Variants in AFAP1L2 observed in about 807,000 individuals in gnomAD.
AFAP1L2 encodes the protein actin filament-associated protein 1-like 2.
In AFAP1L2, 46 loss-of-function variants were observed where a neutral mutation model predicts 99.3. That is an observed-to-expected ratio of 0.46 (90% CI 0.37 to 0.59). The LOEUF is 0.59. AFAP1L2 is among the 20% of genes least tolerant of loss of function. AFAP1L2 has a pLI of 0.00. For synonymous variants in AFAP1L2, 397 were observed against 419.1 expected (o/e 0.95, Z 0.64); for missense variants, 959 against 1,034.9 (o/e 0.93, Z 1.01).
chr10:114,403,139 G>A (rs903442253), intron 1 of AFAP1L2, among the ~76,000 whole-genome samples: 2 of 152,230 alleles, frequency 1.3e-5, no homozygotes, highest in Non-Finnish European at 2.9e-5. Flanking sequence ...TTAGAAATGC[G>A]AGAGAAGCTC....
At chr10:114,288,469 A>ACAAACC in the AFAP1L2 span, among the ~76,000 whole-genome samples, 3 of 152,242 alleles carry the variant, frequency 2.0e-5, no homozygotes, top group Non-Finnish European at 2.9e-5. Flanking sequence ...AGGGTTGCCC[A>ACAAACC]CAAACCCAAA....
intron 5 of AFAP1L2, among the ~76,000 whole-genome samples, chr10:114,320,409 A>G (rs967958388): frequency 6.6e-6 from 1 of 152,216 alleles, no homozygotes; most frequent in African/African-American, 2.4e-5. Flanking sequence ...CTATTCCTCC[A>G]GTCACAACCT....
At chr10:114,306,378 C>CGCGGGGACAGG (rs1245775089) in intron 10 of AFAP1L2, among the ~76,000 whole-genome samples, 1 of 31,576 alleles carries the variant, frequency 3.2e-5, no homozygotes, top group Non-Finnish European at 6.1e-5. Context: ...GGCAGGAGGG[C>CGCGGGGACAGG]ATGGGTGTCT....
intron 1 of AFAP1L2, among the ~76,000 whole-genome samples, chr10:114,363,374 C>T (rs1442637515): frequency 6.6e-6 from 1 of 152,142 alleles, no homozygotes; most frequent in South Asian, 2.1e-4. Context: ...AGAGCTAGTC[C>T]GCTGGGCCCT....
At chr10:114,345,219 G>A (rs1590362549) in intron 1 of AFAP1L2, among the ~76,000 whole-genome samples, 1 of 151,528 alleles carries the variant, frequency 6.6e-6, no homozygotes, top group Non-Finnish European at 1.5e-5. Context: ...ATGGAGCATC[G>A]AGGTGGGTGG....
chr10:114,302,347 GT>G lies in AFAP1L2; in HGVS notation c.1421del (p.Asn474ThrfsTer5). ...RVSCIVSAAK[N>X]SLLLMQRKFS... ...GGGTCCAAATTACTCACAAGAGAGA[GT>G]TTTTGGCCGCACTCACAATACAGGA... is the stretch of plus-strand genomic sequence containing the variant. On this transcript the variant is annotated frameshift_variant, in exon 12 of 19. Coordinates refer to ENST00000304129, the MANE Select transcript of AFAP1L2 (RefSeq NM_001001936.3). LOFTEE classifies it high-confidence loss of function. 6.2e-7 allele frequency: 1 copy of G among 1,614,152 alleles called. No homozygotes were observed. The highest frequency in any genetic ancestry group is 8.5e-7 in the Non-Finnish European group (1 of 1,180,028).
intron 1 of AFAP1L2, among the ~76,000 whole-genome samples, chr10:114,396,622 A>G (rs1481591816): frequency 6.6e-6 from 1 of 152,224 alleles, no homozygotes; most frequent in Non-Finnish European, 1.5e-5. Flanking sequence ...TATCCTGCAG[A>G]CTTGATTACT....
intron 2 of AFAP1L2, among the ~76,000 whole-genome samples, chr10:114,339,340 G>A (rs1185900509): frequency 3.9e-5 from 6 of 152,160 alleles, no homozygotes; most frequent in Admixed American, 2.6e-4. Context: ...CCAGCTACTC[G>A]GGAGGCTGAG....
At chr10:114,305,929 G>A (rs1219396620) in intron 10 of AFAP1L2, among the ~76,000 whole-genome samples, 1 of 124,590 alleles carries the variant, frequency 8.0e-6, no homozygotes, top group Non-Finnish European at 1.7e-5. Flanking sequence ...TGCAGGAGGG[G>A]ACGGGGCTGC....
chr10:114,323,090 G>C, intron 5 of AFAP1L2, 81 bp downstream of exon 5: 1 of 1,300,160 alleles, frequency 7.7e-7, no homozygotes, highest in Non-Finnish European at 1.1e-6. Context: ...GAGTGTATCT[G>C]TTACCCCCAG....
At chr10:114,360,501 ATAGATAGT>A (rs879320990) in intron 1 of AFAP1L2, among the ~76,000 whole-genome samples, 8,753 of 114,294 alleles carry the variant, frequency 0.077, 455 homozygotes, top group African/African-American at 0.2. Flanking sequence ...AGATAGATAG[ATAGATAGT>A]TAGATAGATA....
intron 16 of AFAP1L2, among the ~76,000 whole-genome samples, chr10:114,297,835 G>A (rs1279473738): frequency 1.3e-5 from 2 of 152,194 alleles, no homozygotes; most frequent in African/African-American, 2.4e-5. Flanking sequence ...GGAGTCCTCA[G>A]CCCTGGCTCC....
intron 1 of AFAP1L2, among the ~76,000 whole-genome samples, chr10:114,382,413 C>T (rs1188284550): frequency 1.3e-5 from 2 of 151,976 alleles, no homozygotes; most frequent in Non-Finnish European, 2.9e-5. Flanking sequence ...AAGTTGATCA[C>T]ATGGACATAG....
At chr10:114,404,195 C>G (rs1453722069) in intron 1 of AFAP1L2, among the ~76,000 whole-genome samples, 2 of 152,266 alleles carry the variant, frequency 1.3e-5, no homozygotes, top group East Asian at 3.9e-4. Context: ...CCACGCCCCC[C>G]ACTGACGACC....
intron 4 of AFAP1L2, among the ~76,000 whole-genome samples, chr10:114,324,396 A>ACCCCCCCCC (rs56354768): frequency 7.9e-6 from 1 of 126,444 alleles, no homozygotes; most frequent in African/African-American, 3.7e-5. Context: ...GGGGTGCACC[A>ACCCCCCCCC]CCCCCCCCCC....
At chr10:114,340,058 T>G (rs1291352963) in intron 2 of AFAP1L2, among the ~76,000 whole-genome samples, 1 of 144,494 alleles carries the variant, frequency 6.9e-6, no homozygotes, top group African/African-American at 2.6e-5. Context: ...GGGTCAGGCA[T>G]GGTGGCTCAC....
chr10:114,355,509 G>A (rs1384635828), intron 1 of AFAP1L2, among the ~76,000 whole-genome samples: 1 of 151,824 alleles, frequency 6.6e-6, no homozygotes, highest in African/African-American at 2.4e-5. Context: ...CTTTTAGGTG[G>A]GCTGTGCTGT....
chr10:114,319,450 A>T, intron 5 of AFAP1L2: 1 of 791,820 alleles, frequency 1.3e-6, no homozygotes, highest in South Asian at 1.6e-5. Flanking sequence ...TGCAAGACTC[A>T]TGCACGAGGA....
intron 1 of AFAP1L2, among the ~76,000 whole-genome samples, chr10:114,395,169 GAGGGCTTCTGTTAACTGT>G (rs1489135203): frequency 6.6e-6 from 1 of 152,156 alleles, no homozygotes; most frequent in East Asian, 1.9e-4. Context: ...AGAAGCCACA[GAGGGCTTCTGTTAACTGT>G]AGTACCTAAT....
Sources: allele counts gnomAD v4.1 joint callset (sites outside exome capture counted in the v4.1 genomes callset), GRCh38; gene constraint gnomAD v4.1.1; transcripts MANE v1.5; gene names NCBI Gene and HGNC (gene_info 2026-07-23, HGNC 2026-07-21).